Variants in DNAJB12 observed in about 807,000 individuals in gnomAD.
DNAJB12 encodes the protein dnaJ homolog subfamily B member 12.
Under a neutral mutation model 40.6 loss-of-function variants are expected in DNAJB12, and 14 were observed. That is an observed-to-expected ratio of 0.34 (90% confidence interval 0.23 to 0.54). DNAJB12 has a LOEUF of 0.54. Ranked by LOEUF, DNAJB12 falls within the 20% of genes least tolerant of loss-of-function variation. The probability of loss-of-function intolerance (pLI) is 0.92; values close to 1 mark genes in which losing one functional copy is unlikely to be tolerated. For synonymous variants in DNAJB12, 181 were observed against 199.5 expected (o/e 0.91, Z 0.78); for missense variants, 444 against 501.7 (o/e 0.89, Z 1.10).
At position 72,338,252 on chromosome 10, in the gene DNAJB12, A is replaced by T; in HGVS notation, c.783T>A (p.Ala261=). 1.2e-6 allele frequency: 2 copies of T among 1,614,034 alleles called. No individual in the cohort carries two copies. Among genetic ancestry groups the T allele is most frequent in the Non-Finnish European group, 1.7e-6 (2 of 1,179,992 alleles). Residue 261 remains alanine (A), a synonymous_variant, in exon 6 of 9, where the codon GCT becomes GCA. Transcript: ENST00000444643. The part of the protein sequence containing the change: ...MPILILILVS[A]LSQLMVSSPP... ...GACTGGAGACCATGAGCTGGCTGAG[A>T]GCTGACACGAGAATCAGGATGAGGA...
At chr10:72,343,026 A>C (rs745607990) in intron 3 of DNAJB12, among the ~76,000 whole-genome samples, 23 of 152,112 alleles carry the variant, frequency 1.5e-4, no homozygotes, top group Non-Finnish European at 2.9e-4. Flanking sequence ...CAGCTATGAG[A>C]CTCTAAGACA....
At chr10:72,334,854 G>T in intron 8 of DNAJB12, 1 of 1,338,598 alleles carries the variant, frequency 7.5e-7, no homozygotes, top group Non-Finnish European at 9.5e-7. Context: ...AGGAGGGGGT[G>T]GGCAGGGCAC....
Position 72,343,202 on chromosome 10 carries a change from C to T in DNAJB12, c.457+164G>A, listed in dbSNP as rs112616344. On this transcript the variant is annotated intron_variant, in intron 3 of 8. Coordinates refer to ENST00000444643, the MANE Select transcript of DNAJB12 (RefSeq NM_017626.7). ...AACTCTACATAGCTAGAGGTGGCTACTAGAACCTTTTTCCCAAGAAGCAGC... is the reference window on the plus strand; with the variant it reads ...AACTCTACATAGCTAGAGGTGGCTATTAGAACCTTTTTCCCAAGAAGCAGC... 3.4e-3 allele frequency among the ~76,000 whole-genome samples: 519 copies of T among 152,330 alleles called. 3 individuals are homozygous for T. Among genetic ancestry groups the T allele is most frequent in the Middle Eastern group, 6.8e-3 (2 of 294 alleles).
intron 3 of DNAJB12, 137 bp downstream of exon 3, chr10:72,343,229 C>T (rs1861685945): frequency 1.2e-5 from 13 of 1,123,932 alleles, no homozygotes; most frequent in Admixed American, 7.4e-5. Context: ...AGAAGCAGCT[C>T]CCAAGCCTGG....
intron 8 of DNAJB12, 152 bp from the exon 9 acceptor site, chr10:72,334,769 CG>C: frequency 2.9e-6 from 4 of 1,397,996 alleles, no homozygotes; most frequent in Non-Finnish European, 3.7e-6. Flanking sequence ...TGCCCTCCTG[CG>C]GCAGCACAGA....
intron 2 of DNAJB12, among the ~76,000 whole-genome samples, chr10:72,344,517 G>A (rs58505021): frequency 2.6e-5 from 4 of 152,350 alleles, no homozygotes; most frequent in African/African-American, 9.6e-5. Context: ...CAATAACTCT[G>A]CCTCTGGTCT....
intron 1 of DNAJB12, among the ~76,000 whole-genome samples, chr10:72,350,770 G>C (rs901989774): frequency 2.6e-5 from 4 of 152,152 alleles, no homozygotes; most frequent in African/African-American, 7.2e-5. Context: ...GTGGAGAGAC[G>C]ATCTCTGCTC....
At chr10:72,345,385 T>C (rs964488971) in intron 1 of DNAJB12, among the ~76,000 whole-genome samples, 5 of 152,070 alleles carry the variant, frequency 3.3e-5, no homozygotes, top group African/African-American at 9.7e-5. Context: ...GCAGATCACC[T>C]GAGGTCAGGA....
In DNAJB12 at chr10:72,335,778, A is replaced by G; in HGVS notation, c.*30+2T>C. ...CAGGGTGGAGGCAGCCCTGGCTCAT[A>G]CTTGGACCTCGGTGGTGTGGCTGGC... On this transcript the variant is annotated splice_donor_variant, in intron 8 of 8. Transcript: ENST00000444643. LOFTEE classifies it low-confidence loss of function (3UTR_SPLICE). This position sits in a 1 kb window ranked among gnomAD's most constrained non-coding sequence, Gnocchi z 4.4. 1.2e-6 allele frequency: 2 copies of G among 1,612,620 alleles called. No individual in the cohort carries two copies. Among genetic ancestry groups the G allele is most frequent in the South Asian group, 2.2e-5 (2 of 90,920 alleles).
chr10:72,349,046 G>T (rs1446984350), intron 1 of DNAJB12, among the ~76,000 whole-genome samples: 1 of 152,156 alleles, frequency 6.6e-6, no homozygotes, highest in Admixed American at 6.5e-5. Flanking sequence ...CGTGTCTGAT[G>T]GGGTGGGGAT....
intron 1 of DNAJB12, chr10:72,354,314 C>G (rs762948349): frequency 6.4e-6 from 1 of 155,860 alleles, no homozygotes; most frequent in African/African-American, 2.4e-5. Context: ...TTCCCTGGCG[C>G]CCGAAGAACA....
intron 1 of DNAJB12, among the ~76,000 whole-genome samples, chr10:72,346,594 G>C (rs567558569): frequency 6.6e-6 from 1 of 152,298 alleles, no homozygotes; most frequent in African/African-American, 2.4e-5. Flanking sequence ...CGAAGTGCTG[G>C]GATTACAGGT....
chr10:72,346,321 G>A (rs1308416861), intron 1 of DNAJB12, among the ~76,000 whole-genome samples: 1 of 149,960 alleles, frequency 6.7e-6, no homozygotes, highest in African/African-American at 2.5e-5. Flanking sequence ...GTGCCACCAC[G>A]CCTGGCTAAT....
At chr10:72,351,251 C>T (rs893321286) in intron 1 of DNAJB12, among the ~76,000 whole-genome samples, 4 of 152,212 alleles carry the variant, frequency 2.6e-5, no homozygotes, top group Admixed American at 6.5e-5. Flanking sequence ...CTGGCTCCAC[C>T]ATCTCTAGTC....
At chr10:72,343,619 C>A in intron 2 of DNAJB12, 108 bp from the exon 3 acceptor site, 2 of 1,219,434 alleles carry the variant, frequency 1.6e-6, no homozygotes, top group Non-Finnish European at 2.3e-6. Flanking sequence ...TGCGGGGGAC[C>A]AACAGGGCAA....
At chr10:72,336,883 A>T (rs910569674) in intron 6 of DNAJB12, 187 bp from the exon 7 acceptor site, 4 of 517,920 alleles carry the variant, frequency 7.7e-6, no homozygotes, top group Non-Finnish European at 1.4e-5. Context: ...CCTCCCACAC[A>T]CGTGGCCCAG....
In DNAJB12 at chr10:72,335,961, C is replaced by T; in HGVS notation, c.1007-30G>A. 1.2e-6 allele frequency: 2 copies of T among 1,612,118 alleles called. No homozygotes were observed. The highest frequency in any genetic ancestry group is 1.1e-5 in the South Asian group (1 of 90,924). On this transcript the variant is annotated intron_variant, in intron 7 of 8. Coordinates refer to ENST00000444643, the MANE Select transcript of DNAJB12 (RefSeq NM_017626.7). This position sits in a 1 kb window ranked among gnomAD's most constrained non-coding sequence, Gnocchi z 4.4. Reference sequence around the variant, plus strand: ...AAAGCAATGGGACAGGGTTAGTGCACACCCAGTACCTCCCGAAGCCTGCAA... The same window carrying T: ...AAAGCAATGGGACAGGGTTAGTGCATACCCAGTACCTCCCGAAGCCTGCAA...
Position 72,335,963 on chromosome 10 carries a change from C to G in DNAJB12, c.1007-32G>C, listed in dbSNP as rs781173893. The stretch of plus-strand genomic sequence containing the variant: ...AGCAATGGGACAGGGTTAGTGCACA[C>G]CCAGTACCTCCCGAAGCCTGCAAGG... On this transcript the variant is annotated intron_variant, in intron 7 of 8. Transcript: ENST00000444643. This position sits in a 1 kb window ranked among gnomAD's most constrained non-coding sequence, Gnocchi z 4.4. The G allele has an allele frequency of 1.2e-6, 2 of 1,611,570 alleles. No individual in the cohort carries two copies. The highest frequency in any genetic ancestry group is 4.5e-5 in the East Asian group (2 of 44,844).
At chr10:72,344,080 T>C (rs1195426568) in intron 2 of DNAJB12, among the ~76,000 whole-genome samples, 2 of 151,990 alleles carry the variant, frequency 1.3e-5, no homozygotes, top group South Asian at 4.1e-4. Flanking sequence ...GTGGGTAACA[T>C]GAAGGCCAGA....
Sources: gnomAD v4.1 joint callset for allele counts (sites outside exome capture counted in the v4.1 genomes callset) on GRCh38, gnomAD v4.1.1 for gene constraint, Gnocchi (gnomAD v3.1) non-coding constraint, MANE v1.5 for transcripts, NCBI Gene and HGNC (gene_info 2026-07-23, HGNC 2026-07-21) for gene names.